The following SUZ12 variants were observed in gnomAD, a reference collection of about 807,000 sequenced individuals.
The protein encoded by SUZ12 is polycomb protein SUZ12.
SUZ12 carries 17 observed loss-of-function variants against 87.3 expected under a neutral mutation model. The ratio of observed to expected loss-of-function variants is 0.19; its 90% confidence interval spans 0.13 to 0.29. The LOEUF (loss-of-function observed/expected upper bound fraction) is 0.29, where lower values mean the gene tolerates loss of function less well. Among genes scored for constraint, SUZ12 ranks in the 10% least tolerant of loss-of-function variants. The probability of loss-of-function intolerance (pLI) is 1.00; values close to 1 mark genes in which losing one functional copy is unlikely to be tolerated. For synonymous variants in SUZ12, 253 were observed against 312.4 expected, an observed-to-expected ratio of 0.81 and a Z score of 2.01; for missense variants, 526 against 912.2, an observed-to-expected ratio of 0.58 and a Z score of 5.45.
At chr17:31,987,601 A>G (rs1484734492) in intron 9 of SUZ12, among the ~76,000 whole-genome samples, 1 of 151,896 alleles carries the variant, frequency 6.6e-6, no homozygotes, top group Non-Finnish European at 1.5e-5. Context: ...CAAAGGTTGC[A>G]TGCTGGTGGG....
At chr17:31,970,243 A>C (rs1003900848) in intron 5 of SUZ12, among the ~76,000 whole-genome samples, 2 of 152,176 alleles carry the variant, frequency 1.3e-5, no homozygotes, top group African/African-American at 4.8e-5. Flanking sequence ...TTGCTGTATT[A>C]AGGTGTTTTT....
intron 5 of SUZ12, among the ~76,000 whole-genome samples, chr17:31,967,893 G>A (rs1908192951): frequency 6.6e-6 from 1 of 152,070 alleles, no homozygotes; most frequent in Non-Finnish European, 1.5e-5. Context: ...TAGACTGGGC[G>A]TGGTGGCTCA....
At chr17:31,946,647 T>C (rs1354907447) in intron 3 of SUZ12, among the ~76,000 whole-genome samples, 1 of 152,174 alleles carries the variant, frequency 6.6e-6, no homozygotes, top group Non-Finnish European at 1.5e-5. Flanking sequence ...TGATGTGGAG[T>C]ACATTTGGCT....
chr17:31,988,596 T>TA, intron 10 of SUZ12, 99 bp downstream of exon 10: 2 of 1,226,070 alleles, frequency 1.6e-6, no homozygotes, highest in Non-Finnish European at 2.2e-6. Flanking sequence ...ATGTGATTCT[T>TA]CTTTTTTTTT....
At chr17:31,964,193 A>G (rs2142158749) in intron 4 of SUZ12, among the ~76,000 whole-genome samples, 1 of 151,046 alleles carries the variant, frequency 6.6e-6, no homozygotes, top group African/African-American at 2.4e-5. Flanking sequence ...TGCCTGGCTA[A>G]TATTTGTATT....
At chr17:31,963,920 G>A (rs1200641429) in intron 4 of SUZ12, 1 of 152,316 alleles carries the variant, frequency 6.6e-6, no homozygotes, top group African/African-American at 2.4e-5. Flanking sequence ...GTTCGGGGTG[G>A]TATGGCCATA....
At chr17:31,998,327 C>T (rs191212825) in intron 15 of SUZ12, among the ~76,000 whole-genome samples, 22 of 152,208 alleles carry the variant, frequency 1.4e-4, no homozygotes, top group Non-Finnish European at 2.6e-4. Flanking sequence ...GATCCACCCA[C>T]CTCGGCCTCC....
intron 10 of SUZ12, among the ~76,000 whole-genome samples, chr17:31,991,170 A>C (rs755003208): frequency 5.9e-5 from 9 of 152,124 alleles, no homozygotes; most frequent in Non-Finnish European, 8.8e-5. Flanking sequence ...TTGACCACTC[A>C]TGTACACTCA....
chr17:32,000,263 TTTCA>T lies in SUZ12; in HGVS notation c.*1264_*1267del, dbSNP rs1202325745. On this transcript the variant is annotated 3_prime_UTR_variant, in exon 16 of 16. Transcript: ENST00000322652. ...AATACAGGTATTTTTAATTTTAAAA[TTTCA>T]TTCCACCACCATCAGATGCAGTTCC... is the stretch of plus-strand genomic sequence containing the variant. 3.4e-5 allele frequency: 8 copies of T among 233,090 alleles called. No homozygotes were observed. Among genetic ancestry groups the T allele is most frequent in the African/African-American group, 1.5e-4 (7 of 45,314 alleles). The allele number at this position is 233,090 out of a possible 1,614,324, so 14.4% of individuals were successfully genotyped here.
At chr17:31,954,154 C>T (rs564028646) in intron 4 of SUZ12, among the ~76,000 whole-genome samples, 1 of 152,172 alleles carries the variant, frequency 6.6e-6, no homozygotes, top group Admixed American at 6.6e-5. Flanking sequence ...CCTCCGCCTC[C>T]TGGGTTCAAG....
Position 31,937,405 on chromosome 17 carries a change from G to GGCCTCC in SUZ12, c.160_165dup (p.Ala54_Ser55dup). 2 of 1,539,454 alleles carry GGCCTCC rather than the reference G, an allele frequency of 1.3e-6. No homozygotes were observed. Among genetic ancestry groups the GGCCTCC allele is most frequent in the Non-Finnish European group, 1.7e-6 (2 of 1,143,612 alleles). On this transcript the variant is annotated inframe_insertion, in exon 1 of 16. Transcript: ENST00000322652. ...GCTGTGGAGGGGGTGGCAGTTACTC[G>GGCCTCC]GCCTCCTCCTCCTCCTCCGCGGCGG...
intron 1 of SUZ12, among the ~76,000 whole-genome samples, 186 bp downstream of exon 1, chr17:31,937,706 G>C (rs1906025050): frequency 7.3e-6 from 1 of 136,202 alleles, no homozygotes; most frequent in South Asian, 2.6e-4. Context: ...CCTTGGGAGA[G>C]CTGGAAAAGA....
At chr17:31,970,228 A>G (rs28704877) in intron 5 of SUZ12, among the ~76,000 whole-genome samples, 30,261 of 152,184 alleles carry the variant, frequency 0.2, 3,200 homozygotes, top group African/African-American at 0.27. Context: ...ACATTGGACT[A>G]TTTTTTGCTG....
intron 9 of SUZ12, 145 bp from the exon 10 acceptor site, chr17:31,988,175 A>G: frequency 1.4e-6 from 1 of 724,538 alleles, no homozygotes; most frequent in Middle Eastern, 3.7e-4. Context: ...TTGTTTGCCT[A>G]GCCGTCTCAG....
intron 4 of SUZ12, among the ~76,000 whole-genome samples, chr17:31,948,590 G>A (rs4310929): frequency 9.9e-4 from 142 of 143,704 alleles, no homozygotes; most frequent in South Asian, 3.3e-3. Flanking sequence ...TTGTTCTGTT[G>A]ACTGGTAAAA....
Position 31,937,225 on chromosome 17 carries a change from G to T in SUZ12, c.-22G>T. The T allele has an allele frequency of 5.0e-6, 7 of 1,400,524 alleles. No individual in the cohort carries two copies. Among genetic ancestry groups the T allele is most frequent in the Non-Finnish European group, 6.4e-6 (7 of 1,088,334 alleles). The allele number at this position is 1,400,524 out of a possible 1,614,324, so 86.8% of individuals were successfully genotyped here. ...GGGGCCGCCCGGCGGGTAGCTGGCG[G>T]GGGGAGGAGGCAGGAACCGCGATGG... On this transcript the variant is annotated 5_prime_UTR_variant, in exon 1 of 16. Transcript: ENST00000322652.
chr17:31,980,318 C>G (rs1909020873), intron 8 of SUZ12, among the ~76,000 whole-genome samples: 1 of 150,284 alleles, frequency 6.7e-6, no homozygotes, highest in Non-Finnish European at 1.5e-5. Context: ...CTCAAATTGT[C>G]TCATATTTTG....
rs1165774397 is a variant in SUZ12, at chr17:31,937,536, GCTT to G, written c.274+17_274+19del. ...GCCTTTGAGAGTGAGTGTGTGCGAG[GCTT>G]TGAGGGCAGGAAGACCCACTCTGCC... On this transcript the variant is annotated intron_variant, in intron 1 of 15. Transcript: ENST00000322652. 3 of 1,534,500 alleles carry G rather than the reference GCTT, an allele frequency of 2.0e-6. No individual in the cohort carries two copies. The East Asian group carries it at 7.4e-5, about 38-fold the overall frequency.
chr17:31,964,910 A>T (rs1907999314), intron 4 of SUZ12, among the ~76,000 whole-genome samples: 1 of 151,986 alleles, frequency 6.6e-6, no homozygotes, highest in Admixed American at 6.6e-5. Context: ...TGAACTCGGG[A>T]GGCGGAGGTT....
Sources: allele counts gnomAD v4.1 joint callset (sites outside exome capture counted in the v4.1 genomes callset), GRCh38; gene constraint gnomAD v4.1.1; transcripts MANE v1.5; gene names NCBI Gene and HGNC (gene_info 2026-07-23, HGNC 2026-07-21).